ANKRD27: variants seen among roughly 807,000 people sequenced by gnomAD.
ANKRD27 encodes the protein ankyrin repeat domain 27.
In ANKRD27, 112 loss-of-function variants were observed where a neutral mutation model predicts 129.7. That is an observed-to-expected ratio of 0.86 (90% CI 0.74 to 1.01). The LOEUF (loss-of-function observed/expected upper bound fraction) is 1.01. Among genes scored for constraint, ANKRD27 ranks in the 50% least tolerant of loss-of-function variants. The pLI is 0.00. For synonymous variants in ANKRD27, 516 were observed against 511.2 expected (o/e 1.01, Z -0.13); for missense variants, 1,258 against 1,300.5 (o/e 0.97, Z 0.50).
At chr19:32,622,768 A>C in intron 17 of ANKRD27, 149 bp from the exon 18 acceptor site, 1 of 663,998 alleles carries the variant, frequency 1.5e-6, no homozygotes, top group Non-Finnish European at 2.6e-6. Context: ...CCTCATTCTC[A>C]TTCATTTTTT....
chr19:32,665,503 A>G (rs1967735967), intron 1 of ANKRD27, among the ~76,000 whole-genome samples: 2 of 151,498 alleles, frequency 1.3e-5, no homozygotes, highest in South Asian at 4.2e-4. Context: ...TCTGTCACCC[A>G]GGCTGGAGTA....
intron 5 of ANKRD27, 94 bp downstream of exon 5, chr19:32,644,231 G>T: frequency 7.2e-7 from 1 of 1,386,704 alleles, no homozygotes; most frequent in Non-Finnish European, 1.0e-6. Flanking sequence ...CAGTGAGGCA[G>T]CACCAGGCAG....
intron 20 of ANKRD27, among the ~76,000 whole-genome samples, chr19:32,618,079 G>A (rs1032029169): frequency 2.0e-5 from 3 of 151,974 alleles, no homozygotes; most frequent in Non-Finnish European, 4.4e-5. Flanking sequence ...CTGTAAATGT[G>A]TCCCTAAAAC....
chr19:32,625,885 CG>C lies in ANKRD27; in HGVS notation c.1617del (p.Tyr539Ter). 1 of 1,600,558 alleles carries C rather than the reference CG, an allele frequency of 6.2e-7. No individual in the cohort carries two copies. Among genetic ancestry groups the C allele is most frequent in the Non-Finnish European group, 8.5e-7 (1 of 1,175,096 alleles). On this transcript the variant is annotated frameshift_variant, in exon 17 of 29. Transcript: ENST00000306065. LOFTEE classifies it high-confidence loss of function. ...GNTPLHLACT[Y>X]GHEDCVKALV... is the part of the protein sequence containing the mutation. Reference sequence around the variant, plus strand: ...CAAGAGCCACTCACGTCCTCGTGGCCGTAGGTGCAGGCCAGGTGGAGTGGCG... The same window carrying C: ...CAAGAGCCACTCACGTCCTCGTGGCCTAGGTGCAGGCCAGGTGGAGTGGCG...
At chr19:32,607,902 C>T (rs1364547011) in intron 22 of ANKRD27, 70 bp from the exon 23 acceptor site, 1 of 1,458,798 alleles carries the variant, frequency 6.9e-7, no homozygotes, top group African/African-American at 1.4e-5. Flanking sequence ...GTGATTGGCA[C>T]CATGTGCCCC....
chr19:32,644,165 A>G (rs1379395196), intron 5 of ANKRD27, among the ~76,000 whole-genome samples, 160 bp downstream of exon 5: 1 of 152,032 alleles, frequency 6.6e-6, no homozygotes, highest in African/African-American at 2.4e-5. Context: ...TTGTACCACC[A>G]TGCCCGGTTA....
chr19:32,624,608 C>G (rs182568016), intron 17 of ANKRD27, among the ~76,000 whole-genome samples: 27 of 152,212 alleles, frequency 1.8e-4, no homozygotes, highest in Non-Finnish European at 1.3e-4. Context: ...AGTGGTGAAA[C>G]AGGACGTGAA....
At position 32,622,576 on chromosome 19, in the gene ANKRD27, AGTC is replaced by A; in HGVS notation, c.1670_1672del (p.Arg557_Leu558delinsIle). ...GTCTCCTTTCTCATTGCCAATGTCA[AGTC>A]TGCACGACTCCACGTCGTAGTAAAC... On this transcript the variant is annotated inframe_deletion, in exon 18 of 29. Coordinates refer to ENST00000306065, the MANE Select transcript of ANKRD27 (RefSeq NM_032139.3). 1 of 1,614,046 alleles carries A rather than the reference AGTC, an allele frequency of 6.2e-7. No homozygotes were observed. Among genetic ancestry groups the A allele is most frequent in the African/African-American group, 1.3e-5 (1 of 75,028 alleles).
intron 13 of ANKRD27, 67 bp downstream of exon 13, chr19:32,631,333 TTA>T: frequency 7.0e-7 from 1 of 1,437,318 alleles, no homozygotes; most frequent in Admixed American, 1.7e-5. Context: ...CTGATGGATT[TTA>T]TAGAGGCACC....
At chr19:32,619,627 C>A in intron 18 of ANKRD27, 74 bp from the exon 19 acceptor site, 1 of 1,552,788 alleles carries the variant, frequency 6.4e-7, no homozygotes, top group Non-Finnish European at 8.9e-7. Flanking sequence ...ATCACCCACA[C>A]GCCCCACTGC....
At chr19:32,609,630 C>T (rs979770236) in intron 22 of ANKRD27, among the ~76,000 whole-genome samples, 10 of 138,070 alleles carry the variant, frequency 7.2e-5, no homozygotes, top group African/African-American at 1.9e-4. Context: ...AAGCAGGTCA[C>T]GGGTTGCCTG....
chr19:32,604,818 G>A (rs545757751), intron 24 of ANKRD27, among the ~76,000 whole-genome samples: 1 of 152,300 alleles, frequency 6.6e-6, no homozygotes, highest in African/African-American at 2.4e-5. Flanking sequence ...AGCACTTTGG[G>A]AGGCAGAGGC....
intron 25 of ANKRD27, among the ~76,000 whole-genome samples, chr19:32,602,515 T>C (rs999027804): frequency 2.6e-5 from 4 of 152,132 alleles, no homozygotes; most frequent in Non-Finnish European, 1.5e-5. Context: ...TCCCACCACT[T>C]TGGGAGACTG....
intron 5 of ANKRD27, chr19:32,643,868 CA>C: frequency 7.2e-6 from 4 of 558,634 alleles, no homozygotes; most frequent in Non-Finnish European, 1.3e-5. Context: ...ATGACTTTAC[CA>C]CTTGGTTTGT....
At chr19:32,660,319 G>T (rs1967620285) in intron 1 of ANKRD27, among the ~76,000 whole-genome samples, 1 of 152,178 alleles carries the variant, frequency 6.6e-6, no homozygotes, top group African/African-American at 2.4e-5. Flanking sequence ...AAGTCGGGAG[G>T]ATCACCTGAG....
intron 12 of ANKRD27, among the ~76,000 whole-genome samples, chr19:32,632,557 C>CT (rs1188064426): frequency 6.9e-6 from 1 of 145,870 alleles, no homozygotes; most frequent in African/African-American, 2.6e-5. Context: ...TACACTCCAG[C>CT]CTGGGTGACA....
intron 2 of ANKRD27, 57 bp from the exon 3 acceptor site, chr19:32,649,849 G>T: frequency 8.6e-7 from 1 of 1,168,302 alleles, no homozygotes; most frequent in South Asian, 1.2e-5. Flanking sequence ...CACCTCAGCA[G>T]AACAAGGTGT....
chr19:32,609,695 C>T (rs993232959), intron 22 of ANKRD27, among the ~76,000 whole-genome samples: 2 of 151,934 alleles, frequency 1.3e-5, no homozygotes, highest in African/African-American at 4.8e-5. Context: ...CAAAATCTCA[C>T]AGGAAACTCT....
At chr19:32,657,461 CAA>C (rs397859964) in intron 2 of ANKRD27, among the ~76,000 whole-genome samples, 19 of 98,264 alleles carry the variant, frequency 1.9e-4, no homozygotes, top group Admixed American at 3.5e-4. Context: ...GGCTCTGTCT[CAA>C]AAAAAAAAAA....
Sources: gnomAD v4.1 joint callset for allele counts (sites outside exome capture counted in the v4.1 genomes callset) on GRCh38, gnomAD v4.1.1 for gene constraint, MANE v1.5 for transcripts, NCBI Gene and HGNC (gene_info 2026-07-23, HGNC 2026-07-21) for gene names.